Variants in PTPRH observed in about 807,000 individuals in gnomAD.
The protein encoded by PTPRH is protein tyrosine phosphatase receptor type H.
A neutral mutation model predicts 130.2 loss-of-function variants in PTPRH; 113 were observed. The ratio of observed to expected loss-of-function variants is 0.87; its 90% CI spans 0.75 to 1.01. PTPRH has a LOEUF of 1.01. Ranked by LOEUF, PTPRH falls within the 50% of genes least tolerant of loss-of-function variation. The probability of loss-of-function intolerance (pLI) is 0.00; values close to 1 mark genes in which losing one functional copy is unlikely to be tolerated. For synonymous variants in PTPRH, 556 were observed against 577.9 expected, an observed-to-expected ratio of 0.96 and a Z score of 0.54; for missense variants, 1,430 against 1,425.0, an observed-to-expected ratio of 1.00 and a Z score of -0.06.
In PTPRH at chr19:55,182,047, C is replaced by G. The variant is rs1303122381; in HGVS notation, c.3167G>C (p.Arg1056Thr). 6.2e-7 allele frequency: 1 copy of G among 1,614,158 alleles called. No homozygotes were observed. Among genetic ancestry groups the G allele is most frequent in the Non-Finnish European group, 8.5e-7 (1 of 1,180,036 alleles). ...LGPFSFVRKM[R>T]ESRPLMVQTE... The stretch of plus-strand genomic sequence containing the variant: ...CTGCACCATCAACGGCCGACTCTCT[C>G]TCATCTTCCTTACAAAGCTGAAGGG... The change falls in exon 19 of 20, where the codon AGA becomes ACA. Residue 1056 changes from arginine to threonine, a missense_variant. Transcript: ENST00000376350.
rs773462072 is a variant in PTPRH, at chr19:55,187,560, G to A, written c.2519C>T (p.Ser840Leu). Residue 840 changes from serine to leucine, a missense_variant, in exon 14 of 20, where the codon TCG becomes TTG. Physicochemically the swap from Ser to Leu is moderately radical, Grantham distance 145 (BLOSUM62 -2). Transcript: ENST00000376350. The stretch of plus-strand genomic sequence containing the variant: ...GTTCTTGGCGTTGTTCTCTGAAGCC[G>A]AAGCCACCATCTGAGACTGGCTGTG... ...VGHSQSQMVA[S>L]ASENNAKNRY... 2.8e-5 allele frequency: 45 copies of A among 1,613,230 alleles called. No individual in the cohort carries two copies. Among genetic ancestry groups the A allele is most frequent in the Admixed American group, 3.3e-5 (2 of 59,940 alleles).
chr19:55,202,592 TACAC>T (rs146718002), intron 5 of PTPRH, among the ~76,000 whole-genome samples: 19 of 149,878 alleles, frequency 1.3e-4, no homozygotes, highest in African/African-American at 2.5e-5. Context: ...ATTGATCCTA[TACAC>T]ACACACACAC....
intron 10 of PTPRH, among the ~76,000 whole-genome samples, chr19:55,194,651 T>C (rs545707131): frequency 6.6e-6 from 1 of 152,256 alleles, no homozygotes; most frequent in African/African-American, 2.4e-5. Context: ...GTTTTTCAGG[T>C]ACCCCATTGA....
chr19:55,195,105 A>C (rs1423164819), intron 10 of PTPRH, among the ~76,000 whole-genome samples: 1 of 152,056 alleles, frequency 6.6e-6, no homozygotes, highest in East Asian at 1.9e-4. Context: ...CGGGTGGATC[A>C]CCGGAGGTCA....
At chr19:55,206,209 G>T (rs1468675229) in intron 3 of PTPRH, among the ~76,000 whole-genome samples, 4 of 151,190 alleles carry the variant, frequency 2.6e-5, no homozygotes, top group African/African-American at 9.7e-5. Flanking sequence ...CTCCAACCTG[G>T]GCGACAGAGC....
At chr19:55,204,590 C>G (rs973470039) in intron 4 of PTPRH, among the ~76,000 whole-genome samples, 5 of 151,960 alleles carry the variant, frequency 3.3e-5, no homozygotes, top group Admixed American at 1.3e-4. Context: ...TGCACTCCCC[C>G]CCACCCTTTT....
chr19:55,187,984 A>C, intron 13 of PTPRH, 94 bp downstream of exon 13: 1 of 748,420 alleles, frequency 1.3e-6, no homozygotes, highest in Non-Finnish European at 2.2e-6. Flanking sequence ...CTTTTGCTTA[A>C]TCCCGAAAGC....
Position 55,196,817 on chromosome 19 carries a change from T to C in PTPRH, c.1991-29A>G, listed in dbSNP as rs758099701. The C allele has an allele frequency of 3.5e-5, 56 of 1,600,892 alleles. No homozygotes were observed. The Admixed American group carries it at 9.4e-4, about 27-fold the overall frequency. Reference sequence around the variant, plus strand: ...GGTGAAGGAAGCAAGAGGTCAGCAGTGCCATCCAAGGTGGCTTTCCACCCC... The same window carrying C: ...GGTGAAGGAAGCAAGAGGTCAGCAGCGCCATCCAAGGTGGCTTTCCACCCC... On this transcript the variant is annotated intron_variant, in intron 9 of 19. Coordinates refer to ENST00000376350, the MANE Select transcript of PTPRH (RefSeq NM_002842.5).
chr19:55,198,329 G>A (rs914373115), intron 8 of PTPRH, among the ~76,000 whole-genome samples: 4 of 152,142 alleles, frequency 2.6e-5, no homozygotes, highest in Non-Finnish European at 4.4e-5. Context: ...TAATTCCCTG[G>A]GACCAGCTGT....
rs192366227 is a variant in PTPRH at position 55,197,133 on chromosome 19, G to C, written c.1974C>G (p.Ser658Arg). The change falls in exon 9 of 20, where the codon AGC (serine) becomes AGG (arginine). Residue 658 changes from serine (S) to arginine (R), a missense_variant. By Grantham distance (110) the Ser-to-Arg change is moderately radical. Transcript: ENST00000376350. ...ERNDVASSTQ[S>R]LCASTYPDTV... ...GATTCTCACATGTGGACGCACAGAGGCTCTGCGTGGAACTGGCTACGTCAT... is the reference window on the plus strand; with the variant it reads ...GATTCTCACATGTGGACGCACAGAGCCTCTGCGTGGAACTGGCTACGTCAT... 212 of 1,614,172 alleles carry C rather than the reference G, an allele frequency of 1.3e-4. No individual in the cohort carries two copies. Among genetic ancestry groups the C allele is most frequent in the Non-Finnish European group, 1.7e-4 (202 of 1,179,994 alleles).
chr19:55,185,723 C>T (rs2086300523), intron 17 of PTPRH, 61 bp from the exon 18 acceptor site: 1 of 1,598,086 alleles, frequency 6.3e-7, no homozygotes, highest in Admixed American at 1.7e-5. Context: ...TGGCTTCTAG[C>T]ACCAGGAGCG....
chr19:55,189,712 G>A (rs752794027), intron 12 of PTPRH: 20 of 455,888 alleles, frequency 4.4e-5, no homozygotes, highest in South Asian at 2.3e-4. Flanking sequence ...TGGGTGCAGC[G>A]GCTCACGCCT....
intron 13 of PTPRH, among the ~76,000 whole-genome samples, 163 bp from the exon 14 acceptor site, chr19:55,187,766 C>T (rs550656731): frequency 3.7e-4 from 57 of 152,134 alleles, no homozygotes; most frequent in African/African-American, 1.3e-3. Context: ...TGTGTGCCAC[C>T]TGCCCTGTGG....
intron 10 of PTPRH, among the ~76,000 whole-genome samples, chr19:55,193,237 A>G (rs2086593287): frequency 6.6e-6 from 1 of 151,568 alleles, no homozygotes; most frequent in Admixed American, 6.6e-5. Flanking sequence ...CAAAAAAAAA[A>G]AAAAGAAAAA....
chr19:55,203,420 C>CTTCT (rs1472914025), intron 5 of PTPRH, among the ~76,000 whole-genome samples: 1 of 105,902 alleles, frequency 9.4e-6, no homozygotes, highest in African/African-American at 4.1e-5. Flanking sequence ...TCCTTCCTTC[C>CTTCT]TTCTTTCTTT....
intron 10 of PTPRH, chr19:55,194,070 G>A (rs996662022): frequency 2.2e-5 from 21 of 963,134 alleles, no homozygotes; most frequent in South Asian, 1.0e-4. Context: ...GGCTGGTCTC[G>A]AACTCCCAAC....
chr19:55,187,435 C>A, intron 14 of PTPRH, 78 bp downstream of exon 14: 1 of 1,076,758 alleles, frequency 9.3e-7, no homozygotes, highest in Non-Finnish European at 1.4e-6. Context: ...TTTCTCAAAG[C>A]GGGTAGGAGA....
rs796794531 is a variant in PTPRH, at chr19:55,182,040, ACTCT to A, written c.3170_3173del (p.Glu1057ValfsTer4). ...CCTCAGTCTGCACCATCAACGGCCG[ACTCT>A]CTCTCATCTTCCTTACAAAGCTGAA... On this transcript the variant is annotated frameshift_variant, in exon 19 of 20. Coordinates refer to ENST00000376350, the MANE Select transcript of PTPRH (RefSeq NM_002842.5). LOFTEE classifies it low-confidence loss of function (END_TRUNC). 1.9e-6 allele frequency: 3 copies of A among 1,613,188 alleles called. No individual in the cohort carries two copies. Among genetic ancestry groups the A allele is most frequent in the Admixed American group, 3.3e-5 (2 of 59,848 alleles).
At chr19:55,206,531 T>G (rs1243420102) in intron 3 of PTPRH, among the ~76,000 whole-genome samples, 158 bp downstream of exon 3, 1 of 152,098 alleles carries the variant, frequency 6.6e-6, no homozygotes, top group Non-Finnish European at 1.5e-5. Context: ...TTCTTTTTAC[T>G]TATTTTTATG....
Sources: allele counts gnomAD v4.1 joint callset (sites outside exome capture counted in the v4.1 genomes callset), GRCh38; gene constraint gnomAD v4.1.1; transcripts MANE v1.5; gene names NCBI Gene and HGNC (gene_info 2026-07-23, HGNC 2026-07-21).